GABRB1: variants seen among roughly 807,000 people sequenced by gnomAD.
GABRB1 encodes the protein gamma-aminobutyric acid receptor subunit beta-1.
GABRB1 carries 17 observed loss-of-function variants against 51.6 expected under a neutral mutation model. The ratio of observed to expected loss-of-function variants is 0.33; its 90% CI spans 0.23 to 0.49. The LOEUF (loss-of-function observed/expected upper bound fraction) is 0.49. GABRB1 is among the 20% of genes least tolerant of loss of function. The pLI is 0.99. For synonymous variants in GABRB1, 247 were observed against 218.9 expected, an observed-to-expected ratio of 1.13 and a Z score of -1.14; for missense variants, 410 against 600.6, an observed-to-expected ratio of 0.68 and a Z score of 3.32.
At chr4:47,227,733 C>T (rs1720997047) in intron 4 of GABRB1, among the ~76,000 whole-genome samples, 1 of 152,116 alleles carries the variant, frequency 6.6e-6, no homozygotes, top group African/African-American at 2.4e-5. Flanking sequence ...GACTAGGTGT[C>T]TTAAATAACC....
At chr4:47,007,895 A>AG (rs375965914) in intron 1 of GABRB1, among the ~76,000 whole-genome samples, 1 of 17,524 alleles carries the variant, frequency 5.7e-5, no homozygotes, top group Non-Finnish European at 1.7e-4. Context: ...TATATATATA[A>AG]AATCAAGTTT....
chr4:47,426,036 C>G lies in GABRB1; in HGVS notation c.*18C>G. On this transcript the variant is annotated 3_prime_UTR_variant, in exon 9 of 9. Coordinates refer to ENST00000295454, the MANE Select transcript of GABRB1 (RefSeq NM_000812.4). ...TACACTGAGGTCTGTTCTAATGGTT[C>G]CATTTAGACTACTTTCCTCTTCTAT... is the stretch of plus-strand genomic sequence containing the variant. 6.6e-7 allele frequency: 1 copy of G among 1,513,246 alleles called. No individual in the cohort carries two copies. Among genetic ancestry groups the G allele is most frequent in the Non-Finnish European group, 8.9e-7 (1 of 1,122,262 alleles). 93.7% of individuals were successfully genotyped at this position (1,513,246 alleles called of 1,614,324 possible). A position where few individuals can be genotyped will look rare whatever the true frequency, so the allele number is the denominator to read the frequency against.
chr4:47,422,965 C>G (rs1260942561), intron 8 of GABRB1, among the ~76,000 whole-genome samples: 1 of 152,134 alleles, frequency 6.6e-6, no homozygotes, highest in Non-Finnish European at 1.5e-5. Flanking sequence ...AAAAGTTCCT[C>G]TTTAGTGTAG....
At chr4:47,227,606 T>C (rs1441635267) in intron 4 of GABRB1, among the ~76,000 whole-genome samples, 2 of 152,130 alleles carry the variant, frequency 1.3e-5, no homozygotes, top group African/African-American at 4.8e-5. Flanking sequence ...TCATCTTAAG[T>C]CAAACCAACA....
chr4:47,425,856 C>T lies in GABRB1; in HGVS notation c.1263C>T (p.His421=), dbSNP rs41311286. The T allele has an allele frequency of 6.2e-7, 1 of 1,614,122 alleles. No homozygotes were observed. Among genetic ancestry groups the T allele is most frequent in the Non-Finnish European group, 8.5e-7 (1 of 1,180,014 alleles). ...CCTACGGGCGCGCCCTGGACCGGCA[C>T]GGGGTACCCAGCAAGGGGCGCATCC... ...REAYGRALDR[H]GVPSKGRIRR... The change falls in exon 9 of 9, where the codon CAC becomes CAT. Residue 421 remains histidine, a synonymous_variant. Transcript: ENST00000295454.
At chr4:47,011,557 G>T (rs1473625163) in intron 1 of GABRB1, among the ~76,000 whole-genome samples, 21 of 152,106 alleles carry the variant, frequency 1.4e-4, no homozygotes, top group Non-Finnish European at 1.5e-5. Context: ...AGGCCAAGCT[G>T]CTCCCAAAGA....
intron 4 of GABRB1, among the ~76,000 whole-genome samples, chr4:47,237,455 A>G (rs1186587610): frequency 6.6e-6 from 1 of 152,098 alleles, no homozygotes; most frequent in Non-Finnish European, 1.5e-5. Flanking sequence ...CCATGACAGA[A>G]CTATGGATAA....
At chr4:47,106,128 A>C (rs1021732655) in intron 3 of GABRB1, among the ~76,000 whole-genome samples, 1 of 152,070 alleles carries the variant, frequency 6.6e-6, no homozygotes, top group Non-Finnish European at 1.5e-5. Context: ...AAGAGTGATG[A>C]TCTTTTTATC....
At chr4:47,096,698 A>C (rs758926198) in intron 3 of GABRB1, among the ~76,000 whole-genome samples, 2 of 152,184 alleles carry the variant, frequency 1.3e-5, no homozygotes, top group African/African-American at 4.8e-5. Flanking sequence ...AGGAATAATG[A>C]TCAGAGTCAG....
intron 3 of GABRB1, among the ~76,000 whole-genome samples, chr4:47,107,788 T>C (rs897146544): frequency 6.6e-6 from 1 of 152,038 alleles, no homozygotes; most frequent in East Asian, 1.9e-4. Flanking sequence ...TTATCAGCAA[T>C]TCCAAATATC....
intron 8 of GABRB1, among the ~76,000 whole-genome samples, chr4:47,413,851 A>T (rs1437878053): frequency 6.6e-6 from 1 of 152,238 alleles, no homozygotes; most frequent in Non-Finnish European, 1.5e-5. Flanking sequence ...AGATCCAGAC[A>T]TTCGGAGAGT....
chr4:47,171,152 T>G (rs1718420946), intron 4 of GABRB1, among the ~76,000 whole-genome samples: 1 of 152,032 alleles, frequency 6.6e-6, no homozygotes, highest in African/African-American at 2.4e-5. Context: ...TAAACCTTCC[T>G]AATTAAATTA....
intron 3 of GABRB1, among the ~76,000 whole-genome samples, chr4:47,042,892 A>G (rs748241141): frequency 6.6e-6 from 1 of 152,026 alleles, no homozygotes; most frequent in Non-Finnish European, 1.5e-5. Context: ...ACATAATTTT[A>G]TCCTTGCTGC....
intron 4 of GABRB1, among the ~76,000 whole-genome samples, chr4:47,263,594 C>T (rs758274321): frequency 1.1e-4 from 16 of 151,958 alleles, no homozygotes; most frequent in Non-Finnish European, 2.1e-4. Flanking sequence ...CAATCTCTGC[C>T]CACTCTTTAA....
At chr4:47,038,310 T>C (rs915252021) in intron 3 of GABRB1, among the ~76,000 whole-genome samples, 5 of 152,148 alleles carry the variant, frequency 3.3e-5, no homozygotes, top group African/African-American at 1.2e-4. Context: ...GGCATCCTCA[T>C]CCAACTTTTT....
intron 4 of GABRB1, among the ~76,000 whole-genome samples, chr4:47,248,104 AT>A (rs1721834874): frequency 6.6e-6 from 1 of 152,064 alleles, no homozygotes; most frequent in Admixed American, 6.6e-5. Context: ...CTTAGAGGGA[AT>A]ACTTTCAATT....
At position 47,201,220 on chromosome 4, in the gene GABRB1, A is replaced by G. The variant is rs73144165; in HGVS notation, c.461+39751A>G. On this transcript the variant is annotated intron_variant, in intron 4 of 8. Transcript: ENST00000295454. Reference sequence around the variant, plus strand: ...CATCTTTTATATCATATCATTCTATATTTTCGAATGGAATATACCCAACAG... The same window carrying G: ...CATCTTTTATATCATATCATTCTATGTTTTCGAATGGAATATACCCAACAG... Among the ~76,000 whole-genome samples, 984 of 152,256 alleles carry G rather than the reference A, an allele frequency of 6.5e-3. 10 individuals carry two copies. The highest frequency in any genetic ancestry group is 0.022 in the African/African-American group (922 of 41,562).
chr4:47,104,565 T>C (rs1432079811), intron 3 of GABRB1, among the ~76,000 whole-genome samples: 2 of 151,582 alleles, frequency 1.3e-5, no homozygotes. Flanking sequence ...TACACATACA[T>C]TAGATCATTT....
chr4:47,346,424 T>C (rs1198714656), intron 5 of GABRB1, among the ~76,000 whole-genome samples: 1 of 152,170 alleles, frequency 6.6e-6, no homozygotes. Context: ...TGAACCTGGA[T>C]TGAAAGAAAC....
Sources: allele counts gnomAD v4.1 joint callset (sites outside exome capture counted in the v4.1 genomes callset), GRCh38; gene constraint gnomAD v4.1.1; transcripts MANE v1.5; gene names NCBI Gene and HGNC (gene_info 2026-07-23, HGNC 2026-07-21).